Variants in CEMIP observed in about 807,000 individuals in gnomAD.
CEMIP encodes the protein cell migration inducing hyaluronidase 1, also known as cell migration-inducing and hyaluronan-binding protein.
Under a neutral mutation model 156.9 loss-of-function variants are expected in CEMIP, and 105 were observed. The ratio of observed to expected loss-of-function variants is 0.67; its 90% CI spans 0.57 to 0.79. The LOEUF (loss-of-function observed/expected upper bound fraction) is 0.79, where lower values mean the gene tolerates loss of function less well. CEMIP is among the 30% of genes least tolerant of loss of function. CEMIP has a pLI of 0.00. For missense variants in CEMIP, 1,457 were observed against 1,769.4 expected (o/e 0.82, Z 3.17); for synonymous variants, 676 against 668.4 (o/e 1.01, Z -0.17).
intron 1 of CEMIP, among the ~76,000 whole-genome samples, chr15:80,862,143 G>C (rs772496120): frequency 6.6e-6 from 1 of 152,174 alleles, no homozygotes; most frequent in Non-Finnish European, 1.5e-5. Flanking sequence ...GTTGGGACTC[G>C]GGTCAACTTG....
chr15:80,833,856 G>C (rs1400169919), intron 1 of CEMIP, among the ~76,000 whole-genome samples: 1 of 152,048 alleles, frequency 6.6e-6, no homozygotes, highest in Non-Finnish European at 1.5e-5. Context: ...TTTTAGTAGA[G>C]ATGGGGTTTT....
At chr15:80,872,325 C>A (rs1241623052) in intron 1 of CEMIP, among the ~76,000 whole-genome samples, 1 of 152,164 alleles carries the variant, frequency 6.6e-6, no homozygotes, top group Non-Finnish European at 1.5e-5. Context: ...ACCGCCAAAG[C>A]CCGTCTAAGT....
At chr15:80,923,716 C>A (rs1270690594) in intron 17 of CEMIP, among the ~76,000 whole-genome samples, 1 of 152,182 alleles carries the variant, frequency 6.6e-6, no homozygotes, top group African/African-American at 2.4e-5. Flanking sequence ...CTTGACTCCA[C>A]ATCCACAGTG....
Position 80,856,801 on chromosome 15 carries a change from C to T in CEMIP, c.-175-16737C>T, listed in dbSNP as rs1370205796. On this transcript the variant is annotated intron_variant, in intron 1 of 29. Transcript: ENST00000394685. Reference sequence around the variant, plus strand: ...GACTCCCTGTTTCTGGCCTCTCCTCCCAGCTAGCTTTATCAGAACCCATTT... The same window carrying T: ...GACTCCCTGTTTCTGGCCTCTCCTCTCAGCTAGCTTTATCAGAACCCATTT... 3.3e-5 allele frequency among the ~76,000 whole-genome samples: 5 copies of T among 152,298 alleles called. No homozygotes were observed. In the South Asian group the frequency reaches 1.0e-3, roughly 32 times the overall value.
chr15:80,872,796 A>G (rs1005197825), intron 1 of CEMIP, among the ~76,000 whole-genome samples: 2 of 152,228 alleles, frequency 1.3e-5, no homozygotes, highest in African/African-American at 4.8e-5. Flanking sequence ...GCCTGGTGAC[A>G]GAGCAAGACT....
intron 1 of CEMIP, among the ~76,000 whole-genome samples, chr15:80,852,294 A>C (rs1172874246): frequency 6.6e-6 from 1 of 152,192 alleles, no homozygotes; most frequent in Non-Finnish European, 1.5e-5. Context: ...TGTAGTAAGC[A>C]GATAGCCTGA....
chr15:80,930,697 G>A (rs1237653465), intron 21 of CEMIP, among the ~76,000 whole-genome samples: 3 of 152,170 alleles, frequency 2.0e-5, no homozygotes, highest in Admixed American at 6.5e-5. Context: ...GCATGTTACC[G>A]TGACTGCTGT....
intron 1 of CEMIP, among the ~76,000 whole-genome samples, chr15:80,809,599 G>T (rs1052778345): frequency 2.0e-5 from 3 of 152,210 alleles, no homozygotes; most frequent in Non-Finnish European, 4.4e-5. Context: ...GAAGCATGGT[G>T]CAGAGTGACA....
At chr15:80,793,741 T>C (rs964874078) in intron 1 of CEMIP, among the ~76,000 whole-genome samples, 16 of 152,206 alleles carry the variant, frequency 1.1e-4, no homozygotes, top group African/African-American at 3.9e-4. Context: ...TAGTGTATAG[T>C]ATCTCCCAGA....
chr15:80,896,287 T>G, intron 12 of CEMIP: 1 of 679,408 alleles, frequency 1.5e-6, no homozygotes. Flanking sequence ...AGGCTGAGAG[T>G]TGGGTTCAAG....
intron 1 of CEMIP, among the ~76,000 whole-genome samples, chr15:80,804,917 G>A (rs150064764): frequency 1.2e-4 from 19 of 152,202 alleles, no homozygotes; most frequent in African/African-American, 4.3e-4. Flanking sequence ...TTAATTCATC[G>A]CTCATGTAGA....
At chr15:80,879,667 T>G in intron 4 of CEMIP, 49 bp from the exon 5 acceptor site, 1 of 1,612,852 alleles carries the variant, frequency 6.2e-7, no homozygotes, top group Non-Finnish European at 8.5e-7. Flanking sequence ...GATATAACCT[T>G]ACCCTTAACA....
At chr15:80,875,287 G>C (rs141895979) in intron 3 of CEMIP, among the ~76,000 whole-genome samples, 1 of 151,924 alleles carries the variant, frequency 6.6e-6, no homozygotes, top group South Asian at 2.1e-4. Context: ...CTTCAGCCTC[G>C]GTCTCCCAAA....
chr15:80,913,963 G>A (rs1002960796), intron 14 of CEMIP, among the ~76,000 whole-genome samples: 59 of 152,366 alleles, frequency 3.9e-4, no homozygotes, highest in African/African-American at 1.4e-3. Context: ...GTTTGTAACA[G>A]AGAAGCACTG....
chr15:80,856,605 G>C (rs1897857815), intron 1 of CEMIP, among the ~76,000 whole-genome samples: 1 of 152,136 alleles, frequency 6.6e-6, no homozygotes, highest in South Asian at 2.1e-4. Context: ...CCGGAGCTCA[G>C]GATTGCAAGC....
chr15:80,938,387 A>G (rs531401147), intron 25 of CEMIP, among the ~76,000 whole-genome samples: 59 of 152,268 alleles, frequency 3.9e-4, no homozygotes, highest in Middle Eastern at 3.4e-3. Context: ...TGGGTGGATC[A>G]CAAGGTCAGG....
At chr15:80,887,787 C>T (rs778222517) in intron 8 of CEMIP, 23 bp downstream of exon 8, 2 of 1,564,634 alleles carry the variant, frequency 1.3e-6, no homozygotes, top group South Asian at 2.2e-5. Flanking sequence ...TGGCTGGAGG[C>T]CTGATTCCCT....
chr15:80,887,954 T>C (rs1898905778), intron 8 of CEMIP, among the ~76,000 whole-genome samples, 190 bp downstream of exon 8: 1 of 152,248 alleles, frequency 6.6e-6, no homozygotes, highest in Non-Finnish European at 1.5e-5. Context: ...CAAAGGCCCA[T>C]CACTTGCAGT....
At chr15:80,886,619 A>G (rs1898851253) in intron 7 of CEMIP, among the ~76,000 whole-genome samples, 1 of 152,206 alleles carries the variant, frequency 6.6e-6, no homozygotes, top group African/African-American at 2.4e-5. Flanking sequence ...CAAATCACTG[A>G]TTAACAGGAG....
Sources: allele counts gnomAD v4.1 joint callset (sites outside exome capture counted in the v4.1 genomes callset), GRCh38; gene constraint gnomAD v4.1.1; transcripts MANE v1.5; gene names NCBI Gene and HGNC (gene_info 2026-07-23, HGNC 2026-07-21).